ADAMTSL1: variants seen among roughly 807,000 people sequenced by gnomAD.
The protein encoded by ADAMTSL1 is ADAMTS like 1, also known as ADAMTS-like protein 1.
ADAMTSL1 carries 126 observed loss-of-function variants against 201.8 expected under a neutral mutation model. The ratio of observed to expected loss-of-function variants is 0.62; its 90% confidence interval spans 0.54 to 0.72. ADAMTSL1 has a LOEUF of 0.72. Among genes scored for constraint, ADAMTSL1 ranks in the 30% least tolerant of loss-of-function variants. The pLI is 0.00. For missense variants in ADAMTSL1, 2,679 were observed against 2,277.8 expected, an observed-to-expected ratio of 1.18 and a Z score of -3.59; for synonymous variants, 1,121 against 903.4, an observed-to-expected ratio of 1.24 and a Z score of -4.32.
chr9:18,742,476 T>C (rs1324704839), intron 15 of ADAMTSL1, among the ~76,000 whole-genome samples: 1 of 152,242 alleles, frequency 6.6e-6, no homozygotes, highest in Non-Finnish European at 1.5e-5. Flanking sequence ...AGCAGTTTAC[T>C]TAGAATAGCT....
chr9:18,556,554 G>A (rs1821120519), intron 3 of ADAMTSL1, among the ~76,000 whole-genome samples: 1 of 151,930 alleles, frequency 6.6e-6, no homozygotes. Flanking sequence ...TCAGGATGAG[G>A]CTGGTGCTAA....
At chr9:18,187,091 A>G (rs1828770893) in intron 2 of ADAMTSL1, among the ~76,000 whole-genome samples, 1 of 152,182 alleles carries the variant, frequency 6.6e-6, no homozygotes, top group South Asian at 2.1e-4. Context: ...TTCATCAGCA[A>G]CTGTCATGTG....
At chr9:17,975,996 T>G (rs576495082) in intron 1 of ADAMTSL1, among the ~76,000 whole-genome samples, 208 of 152,236 alleles carry the variant, frequency 1.4e-3, no homozygotes, top group African/African-American at 4.7e-3. Flanking sequence ...CGACTGTGTA[T>G]TCTTGGCAAC....
chr9:18,132,456 T>C (rs1825992349), intron 1 of ADAMTSL1, among the ~76,000 whole-genome samples: 1 of 152,120 alleles, frequency 6.6e-6, no homozygotes, highest in South Asian at 2.1e-4. Context: ...TCCTAACTAC[T>C]CTTAATTGTT....
In ADAMTSL1 at chr9:18,682,286, C is replaced by G. The variant is rs562886173; in HGVS notation, c.1489+327C>G. On this transcript the variant is annotated intron_variant, in intron 12 of 28. Transcript: ENST00000380548. ...TAGAAATATATGTTTGATTTACTATCCACATTTCTTGCCTTTAAAAACAAG... is the reference window on the plus strand; with the variant it reads ...TAGAAATATATGTTTGATTTACTATGCACATTTCTTGCCTTTAAAAACAAG... Among the ~76,000 whole-genome samples, 5 of 152,282 alleles carry G rather than the reference C, an allele frequency of 3.3e-5. No individual in the cohort carries two copies. In the South Asian group the frequency reaches 8.3e-4, roughly 25 times the overall value.
intron 4 of ADAMTSL1, among the ~76,000 whole-genome samples, chr9:18,595,047 C>G (rs902091171): frequency 6.6e-6 from 1 of 152,158 alleles, no homozygotes; most frequent in Admixed American, 6.5e-5. Context: ...GTTCCAAGCC[C>G]TATCTTGCCC....
intron 4 of ADAMTSL1, among the ~76,000 whole-genome samples, chr9:18,605,134 A>C (rs1321767013): frequency 1.3e-5 from 2 of 152,126 alleles, no homozygotes; most frequent in African/African-American, 4.8e-5. Flanking sequence ...TCTGCTCCCA[A>C]GCTCAGAAAA....
intron 1 of ADAMTSL1, among the ~76,000 whole-genome samples, chr9:17,940,600 T>G (rs1827195942): frequency 6.6e-6 from 1 of 151,812 alleles, no homozygotes; most frequent in African/African-American, 2.4e-5. Flanking sequence ...GGAAGGCATT[T>G]GGAAATGCAA....
chr9:18,352,637 C>T (rs1228277467), intron 2 of ADAMTSL1, among the ~76,000 whole-genome samples: 1 of 152,116 alleles, frequency 6.6e-6, no homozygotes, highest in South Asian at 2.1e-4. Context: ...TAACGTATTA[C>T]TCTATTTTCC....
At position 18,657,703 on chromosome 9, in the gene ADAMTSL1, G is replaced by A. The variant is rs752262465; in HGVS notation, c.899G>A (p.Arg300Gln). The change falls in exon 8 of 29, where the codon CGA becomes CAA. Residue 300 changes from arginine (R) to glutamine (Q), a missense_variant. By Grantham distance (43) the Arg-to-Gln change is conservative (BLOSUM62 1). Coordinates refer to ENST00000380548, the MANE Select transcript of ADAMTSL1 (RefSeq NM_001040272.6). ...ATCTTCTATCAACCCATCATCCACC[G>A]ATGGAGGGAGACGGATTTCTTTCCT... ...QFIFYQPIIH[R>Q]WRETDFFPCS... 2 of 1,614,052 alleles carry A rather than the reference G, an allele frequency of 1.2e-6. No individual in the cohort carries two copies. Among genetic ancestry groups the A allele is most frequent in the Non-Finnish European group, 1.7e-6 (2 of 1,180,038 alleles).
intron 1 of ADAMTSL1, among the ~76,000 whole-genome samples, chr9:17,961,737 C>G (rs906754149): frequency 1.1e-4 from 16 of 152,182 alleles, no homozygotes; most frequent in African/African-American, 3.6e-4. Flanking sequence ...TGAGCCCACT[C>G]TGGGGACTCC....
chr9:18,171,817 T>TA (rs1192367483), intron 2 of ADAMTSL1, among the ~76,000 whole-genome samples: 7 of 152,114 alleles, frequency 4.6e-5, no homozygotes, highest in African/African-American at 1.4e-4. Flanking sequence ...TTTTAGGTCT[T>TA]ACGTTTAAGT....
chr9:18,238,233 C>G (rs1830923564), intron 2 of ADAMTSL1, among the ~76,000 whole-genome samples: 1 of 152,028 alleles, frequency 6.6e-6, no homozygotes, highest in Non-Finnish European at 1.5e-5. Flanking sequence ...TTAAGATTCT[C>G]CTATATAGTT....
chr9:18,820,368 CTTA>C (rs1824135921), intron 21 of ADAMTSL1, among the ~76,000 whole-genome samples: 1 of 152,014 alleles, frequency 6.6e-6, no homozygotes, highest in Non-Finnish European at 1.5e-5. Flanking sequence ...TTGTTGTTTT[CTTA>C]TTATAAAATA....
At chr9:18,875,212 C>G (rs1331724938) in intron 23 of ADAMTSL1, among the ~76,000 whole-genome samples, 4 of 152,026 alleles carry the variant, frequency 2.6e-5, no homozygotes, top group African/African-American at 9.7e-5. Flanking sequence ...AAAGAAACAG[C>G]TTTTTGTTTC....
intron 1 of ADAMTSL1, among the ~76,000 whole-genome samples, chr9:18,022,331 A>G (rs556162529): frequency 6.6e-6 from 1 of 152,288 alleles, no homozygotes; most frequent in South Asian, 2.1e-4. Context: ...GCAGGAGGCA[A>G]GCTGCTGTCC....
chr9:18,643,113 C>G (rs1046756828), intron 7 of ADAMTSL1, among the ~76,000 whole-genome samples: 1 of 151,974 alleles, frequency 6.6e-6, no homozygotes, highest in East Asian at 1.9e-4. Flanking sequence ...TTTTTGATAA[C>G]AGCAATTCTA....
intron 2 of ADAMTSL1, among the ~76,000 whole-genome samples, chr9:18,462,407 A>G (rs1419830417): frequency 6.6e-6 from 1 of 152,202 alleles, no homozygotes; most frequent in East Asian, 1.9e-4. Flanking sequence ...CAAAATGGAA[A>G]TGGTTCCTGT....
At chr9:18,531,293 A>G (rs904285965) in intron 2 of ADAMTSL1, among the ~76,000 whole-genome samples, 5 of 152,166 alleles carry the variant, frequency 3.3e-5, no homozygotes, top group African/African-American at 1.2e-4. Flanking sequence ...CTGACACCGT[A>G]ATGAGGGGTG....
Sources: allele counts gnomAD v4.1 joint callset (sites outside exome capture counted in the v4.1 genomes callset), GRCh38; gene constraint gnomAD v4.1.1; transcripts MANE v1.5; gene names NCBI Gene and HGNC (gene_info 2026-07-23, HGNC 2026-07-21).